Variants in ERGIC1 observed in about 807,000 individuals in gnomAD.
ERGIC1 encodes the protein endoplasmic reticulum-golgi intermediate compartment 1, also known as endoplasmic reticulum-Golgi intermediate compartment protein 1.
A neutral mutation model predicts 38.3 loss-of-function variants in ERGIC1; 19 were observed. That is an observed-to-expected ratio of 0.50 (90% CI 0.35 to 0.73). ERGIC1 has a LOEUF of 0.73. ERGIC1 is among the 30% of genes least tolerant of loss of function. The probability of loss-of-function intolerance (pLI) is 0.01; values close to 1 mark genes in which losing one functional copy is unlikely to be tolerated. For synonymous variants in ERGIC1, 124 were observed against 157.6 expected (o/e 0.79, Z 1.60); for missense variants, 294 against 389.2 (o/e 0.76, Z 2.06).
chr5:172,914,667 C>T lies in ERGIC1; in HGVS notation c.251-47C>T, dbSNP rs751630260. 1.9e-6 allele frequency: 3 copies of T among 1,613,696 alleles called. No homozygotes were observed. The South Asian group carries it at 3.3e-5, about 18-fold the overall frequency. ...GAGAGAACAGGCTGGCCCCCATCCT[C>T]CCGCGTCTCTGGGTTTGTGACTGTT... On this transcript the variant is annotated intron_variant, in intron 4 of 9. Coordinates refer to ENST00000393784, the MANE Select transcript of ERGIC1 (RefSeq NM_001031711.3).
intron 1 of ERGIC1, among the ~76,000 whole-genome samples, chr5:172,879,572 T>TG (rs1365227913): frequency 1.3e-5 from 2 of 152,224 alleles, no homozygotes; most frequent in African/African-American, 4.8e-5. Context: ...TCCTTTGCTT[T>TG]GTTTTTTTTC....
In ERGIC1 at chr5:172,932,418, G is replaced by C; in HGVS notation, c.542-18G>C. The C allele has an allele frequency of 1.2e-6, 2 of 1,613,324 alleles. No homozygotes were observed. Among genetic ancestry groups the C allele is most frequent in the African/African-American group, 1.3e-5 (1 of 75,054 alleles). ...AGTGCCCGTCCCCCTGCTTCATTCT[G>C]CTGTGTCCTTCCCGCAGCCCTGGCC... On this transcript the variant is annotated intron_variant, in intron 7 of 9. Transcript: ENST00000393784.
chr5:172,920,682 C>G (rs769639949), intron 5 of ERGIC1: 8 of 513,550 alleles, frequency 1.6e-5, no homozygotes, highest in Non-Finnish European at 2.8e-5. Context: ...TCGCACGGCC[C>G]GGCAGGGGTG....
At chr5:172,886,939 C>T (rs547273190) in intron 1 of ERGIC1, among the ~76,000 whole-genome samples, 2 of 152,258 alleles carry the variant, frequency 1.3e-5, no homozygotes, top group East Asian at 3.9e-4. Context: ...GACCCCCAAC[C>T]TCCCGACCAC....
At chr5:172,895,267 G>A (rs1423289783) in intron 2 of ERGIC1, among the ~76,000 whole-genome samples, 1 of 152,194 alleles carries the variant, frequency 6.6e-6, no homozygotes, top group Non-Finnish European at 1.5e-5. Context: ...CAATCCTTGT[G>A]TTGCTGAGAT....
intron 1 of ERGIC1, among the ~76,000 whole-genome samples, chr5:172,854,465 T>C (rs929792071): frequency 1.3e-5 from 2 of 152,274 alleles, no homozygotes; most frequent in Non-Finnish European, 2.9e-5. Context: ...ATTTCCTGGC[T>C]GGGGCCACTG....
At chr5:172,868,059 G>A (rs1761916391) in intron 1 of ERGIC1, among the ~76,000 whole-genome samples, 1 of 152,200 alleles carries the variant, frequency 6.6e-6, no homozygotes, top group Non-Finnish European at 1.5e-5. Flanking sequence ...GCCATAGAAA[G>A]CTCAGGAATG....
chr5:172,873,404 T>C lies in ERGIC1; in HGVS notation c.21-15295T>C, dbSNP rs144761930. On this transcript the variant is annotated intron_variant, in intron 1 of 9. Transcript: ENST00000393784. ...CCTGAGCTCATCTGTCTGTTGCAGG[T>C]TGGGGAGGCAAGTGGGGGTGAGGGG... Among the ~76,000 whole-genome samples, 623 of 152,282 alleles carry C rather than the reference T, an allele frequency of 4.1e-3. 1 individual carries two copies. The highest frequency in any genetic ancestry group is 7.1e-3 in the Non-Finnish European group (485 of 68,006).
chr5:172,856,543 A>G (rs924288328), intron 1 of ERGIC1, among the ~76,000 whole-genome samples: 10 of 152,180 alleles, frequency 6.6e-5, no homozygotes, highest in Non-Finnish European at 1.5e-4. Context: ...AGCGGGGGAT[A>G]CAATGGGCAG....
chr5:172,863,434 A>G (rs188654496), intron 1 of ERGIC1, among the ~76,000 whole-genome samples: 1 of 152,308 alleles, frequency 6.6e-6, no homozygotes, highest in East Asian at 1.9e-4. Flanking sequence ...CGTCTCAGGT[A>G]CACCACTGCG....
chr5:172,890,059 C>T (rs1581544943), intron 2 of ERGIC1, among the ~76,000 whole-genome samples: 1 of 152,112 alleles, frequency 6.6e-6, no homozygotes, highest in East Asian at 1.9e-4. Flanking sequence ...AAAATAAGGC[C>T]TTTACTGAGG....
chr5:172,900,159 C>T (rs544805126), intron 3 of ERGIC1, among the ~76,000 whole-genome samples: 9 of 152,274 alleles, frequency 5.9e-5, no homozygotes, highest in African/African-American at 2.2e-4. Flanking sequence ...TGAGTTTTGA[C>T]GTCACAGCTT....
intron 9 of ERGIC1, among the ~76,000 whole-genome samples, chr5:172,948,074 C>T (rs950638319): frequency 6.6e-6 from 1 of 152,158 alleles, no homozygotes; most frequent in African/African-American, 2.4e-5. Flanking sequence ...AGTCCCCCTG[C>T]GTCATGTTCT....
At position 172,834,408 on chromosome 5, in the gene ERGIC1, G is replaced by A; in HGVS notation, c.-6G>A. 2 of 1,329,500 alleles carry A rather than the reference G, an allele frequency of 1.5e-6. No homozygotes were observed. The highest frequency in any genetic ancestry group is 9.7e-7 in the Non-Finnish European group (1 of 1,035,670). 82.4% of individuals were successfully genotyped at this position (1,329,500 alleles called of 1,614,324 possible). A position where few individuals can be genotyped will look rare whatever the true frequency, so the allele number is the denominator to read the frequency against. Reference sequence around the variant, plus strand: ...CTGCAGCGCTCCCACCCCCGGCGGCGGCACGATGCCCTTTGACTTCAGGAG... The same window carrying A: ...CTGCAGCGCTCCCACCCCCGGCGGCAGCACGATGCCCTTTGACTTCAGGAG... On this transcript the variant is annotated 5_prime_UTR_variant, in exon 1 of 10. Coordinates refer to ENST00000393784, the MANE Select transcript of ERGIC1 (RefSeq NM_001031711.3). This position sits in a 1 kb window ranked among gnomAD's most constrained non-coding sequence, Gnocchi z 4.1.
chr5:172,932,726 C>A (rs1763806575), intron 8 of ERGIC1, 190 bp downstream of exon 8: 1 of 606,646 alleles, frequency 1.6e-6, no homozygotes, highest in Non-Finnish European at 2.9e-6. Context: ...ATGTGGCAGT[C>A]TCAGAGTCAA....
rs146055938 is a variant in ERGIC1, at chr5:172,927,731, C to T, written c.541+1162C>T. ...AGCAGCTGGGATTACAGGTGCCTGC[C>T]ACAATGCCCAGCTAATTTTCTGTAT... On this transcript the variant is annotated intron_variant, in intron 7 of 9. Transcript: ENST00000393784. Among the ~76,000 whole-genome samples the T allele has an allele frequency of 9.3e-4, 142 of 152,244 alleles. 2 individuals carry two copies. Among genetic ancestry groups the T allele is most frequent in the African/African-American group, 3.3e-3 (137 of 41,534 alleles).
intron 4 of ERGIC1, among the ~76,000 whole-genome samples, chr5:172,912,775 C>CT (rs577088242): frequency 0.24 from 34,425 of 146,060 alleles, 5,028 homozygotes; most frequent in Non-Finnish European, 0.34. Context: ...TTCTTTCTTT[C>CT]TTTTTTTTTT....
At chr5:172,930,703 A>G (rs1197606864) in intron 7 of ERGIC1, among the ~76,000 whole-genome samples, 2 of 152,034 alleles carry the variant, frequency 1.3e-5, no homozygotes, top group African/African-American at 2.4e-5. Context: ...TCACTTTTTC[A>G]TTCCTTCAAG....
chr5:172,843,297 T>G (rs1761203240), intron 1 of ERGIC1, among the ~76,000 whole-genome samples: 1 of 152,256 alleles, frequency 6.6e-6, no homozygotes, highest in African/African-American at 2.4e-5. Flanking sequence ...TAATGTTTTC[T>G]TTATTCAGTT....
Sources: gnomAD v4.1 joint callset for allele counts (sites outside exome capture counted in the v4.1 genomes callset) on GRCh38, gnomAD v4.1.1 for gene constraint, Gnocchi (gnomAD v3.1) non-coding constraint, MANE v1.5 for transcripts, NCBI Gene and HGNC (gene_info 2026-07-23, HGNC 2026-07-21) for gene names.